Variants in PDE1C observed in about 807,000 individuals in gnomAD.
PDE1C encodes the protein dual specificity calcium/calmodulin-dependent 3',5'-cyclic nucleotide phosphodiesterase 1C.
A neutral mutation model predicts 93.1 loss-of-function variants in PDE1C; 62 were observed. That is an observed-to-expected ratio of 0.67 (90% confidence interval 0.54 to 0.82). PDE1C has a LOEUF of 0.82. Among genes scored for constraint, PDE1C ranks in the 40% least tolerant of loss-of-function variants. The pLI is 0.00. For synonymous variants in PDE1C, 325 were observed against 310.1 expected, an observed-to-expected ratio of 1.05 and a Z score of -0.50; for missense variants, 742 against 884.6, an observed-to-expected ratio of 0.84 and a Z score of 2.04.
the PDE1C span, among the ~76,000 whole-genome samples, chr7:31,733,207 C>T: frequency 6.6e-6 from 1 of 152,170 alleles, no homozygotes; most frequent in African/African-American, 2.4e-5. Flanking sequence ...TACCTCCTTT[C>T]CAATCACCTG....
At chr7:31,844,110 T>C (rs1403978724) in intron 9 of PDE1C, among the ~76,000 whole-genome samples, 1 of 151,842 alleles carries the variant, frequency 6.6e-6, no homozygotes, top group Non-Finnish European at 1.5e-5. Flanking sequence ...AATGGTCAAA[T>C]GCACAATTTA....
intron 1 of PDE1C, among the ~76,000 whole-genome samples, chr7:32,295,926 T>C (rs968616172): frequency 6.6e-6 from 1 of 150,906 alleles, no homozygotes; most frequent in Non-Finnish European, 1.5e-5. Context: ...AATGTACTTA[T>C]GATATACTCA....
intron 17 of PDE1C, among the ~76,000 whole-genome samples, chr7:31,764,995 C>T (rs527654389): frequency 1.7e-4 from 26 of 152,240 alleles, no homozygotes; most frequent in African/African-American, 4.8e-4. Context: ...GATTTTGCTG[C>T]CCATGTTTGC....
At chr7:31,641,518 C>G in the PDE1C span, among the ~76,000 whole-genome samples, 2 of 152,152 alleles carry the variant, frequency 1.3e-5, no homozygotes, top group Non-Finnish European at 2.9e-5. Context: ...TGGTGACACT[C>G]TGGTAGCCAA....
chr7:31,990,822 GA>G (rs1197401001), intron 2 of PDE1C, among the ~76,000 whole-genome samples: 2 of 151,956 alleles, frequency 1.3e-5, no homozygotes, highest in Non-Finnish European at 1.5e-5. Context: ...CAAGATACAG[GA>G]AAAAAATGAA....
At chr7:32,389,174 GTGTGTGT>G (rs1585138283) in intron 1 of PDE1C, among the ~76,000 whole-genome samples, 2 of 138,648 alleles carry the variant, frequency 1.4e-5, no homozygotes, top group East Asian at 4.2e-4. Flanking sequence ...GTGTGTGTGT[GTGTGTGT>G]GTGTGTGTGG....
chr7:32,347,944 T>C (rs1783886640), intron 1 of PDE1C, among the ~76,000 whole-genome samples: 1 of 152,220 alleles, frequency 6.6e-6, no homozygotes, highest in African/African-American at 2.4e-5. Context: ...ACACTATGTT[T>C]GTGATCATTT....
rs919457926 is a variant in PDE1C at position 32,070,194 on chromosome 7, C to T, written c.101+99G>A. On this transcript the variant is annotated intron_variant, in intron 1 of 17. Transcript: ENST00000396191. The stretch of plus-strand genomic sequence containing the variant: ...GAACTTCTAGGGTTGTATTTAAAGG[C>T]CCATGCAGGAACAGGGTGAGCAGTC... The T allele has an allele frequency of 7.6e-6, 12 of 1,571,176 alleles. No individual in the cohort carries two copies. The African/African-American group carries it at 9.5e-5, about 12-fold the overall frequency.
At chr7:32,147,185 A>AG (rs1800892121) in intron 3 of PDE1C, among the ~76,000 whole-genome samples, 1 of 151,798 alleles carries the variant, frequency 6.6e-6, no homozygotes, top group Non-Finnish European at 1.5e-5. Flanking sequence ...AATTGTTTTC[A>AG]GAAAAAAAAA....
chr7:32,153,051 A>G (rs1801358367), intron 3 of PDE1C, among the ~76,000 whole-genome samples: 1 of 152,216 alleles, frequency 6.6e-6, no homozygotes, highest in Non-Finnish European at 1.5e-5. Context: ...AAACTGAGGC[A>G]ATGTCTCAAA....
Position 32,128,902 on chromosome 7 carries a change from AACAAATATAT to A in PDE1C, c.308+40873_308+40882del, listed in dbSNP as rs1316232889. On this transcript the variant is annotated intron_variant, in intron 3 of 18. Coordinates refer to the PDE1C transcript ENST00000396193. The stretch of plus-strand genomic sequence containing the variant: ...ACATGTACCCTAGAACTTAAAGTAT[AACAAATATAT>A]ATATATATATATATATATATATATA... Among the ~76,000 whole-genome samples the A allele has an allele frequency of 3.6e-4, 32 of 89,992 alleles. 1 individual carries two copies. Among genetic ancestry groups the A allele is most frequent in the African/African-American group, 1.3e-3 (29 of 23,132 alleles). The allele number at this position is 89,992 out of a possible 152,430, so 59.0% of individuals were successfully genotyped here.
At chr7:31,974,961 G>C (rs1200539031) in intron 2 of PDE1C, among the ~76,000 whole-genome samples, 1 of 152,142 alleles carries the variant, frequency 6.6e-6, no homozygotes, top group African/African-American at 2.4e-5. Flanking sequence ...TCTGAACAAA[G>C]GCCGAGTTCA....
At chr7:32,396,833 C>T (rs981070240) in intron 1 of PDE1C, among the ~76,000 whole-genome samples, 22 of 152,100 alleles carry the variant, frequency 1.4e-4, no homozygotes, top group Non-Finnish European at 7.4e-5. Context: ...CCAAAGTACA[C>T]ATGGAAATCT....
chr7:31,851,089 C>CACACACAT (rs1793275820), intron 7 of PDE1C, among the ~76,000 whole-genome samples: 1 of 12,446 alleles, frequency 8.0e-5, no homozygotes, highest in Non-Finnish European at 2.6e-4. Flanking sequence ...CACACACACA[C>CACACACAT]ACACACACAC....
chr7:31,829,101 AAAT>A (rs1790061262), intron 11 of PDE1C, among the ~76,000 whole-genome samples: 1 of 152,112 alleles, frequency 6.6e-6, no homozygotes, highest in Non-Finnish European at 1.5e-5. Flanking sequence ...AGGAAAGGAA[AAAT>A]AATATGTCAC....
At chr7:31,806,807 G>A (rs1786890909) in intron 16 of PDE1C, among the ~76,000 whole-genome samples, 1 of 151,668 alleles carries the variant, frequency 6.6e-6, no homozygotes, top group Admixed American at 6.6e-5. Flanking sequence ...CTAGGGGTAG[G>A]GACATTAAAA....
the PDE1C span, among the ~76,000 whole-genome samples, chr7:31,644,725 G>A: frequency 8.5e-5 from 13 of 152,146 alleles, no homozygotes; most frequent in Non-Finnish European, 1.6e-4. Flanking sequence ...TTTAAGGTAA[G>A]AAATGATCTA....
At chr7:32,114,437 G>A (rs764951849) in intron 3 of PDE1C, among the ~76,000 whole-genome samples, 1 of 152,020 alleles carries the variant, frequency 6.6e-6, no homozygotes, top group Non-Finnish European at 1.5e-5. Flanking sequence ...AACTGAAACT[G>A]GACCCCTTCC....
At chr7:32,095,050 T>C (rs1018866965) in intron 3 of PDE1C, among the ~76,000 whole-genome samples, 1 of 152,210 alleles carries the variant, frequency 6.6e-6, no homozygotes, top group Non-Finnish European at 1.5e-5. Context: ...CTTATTTCTA[T>C]AGAAAGTAAT....
Sources: allele counts gnomAD v4.1 joint callset (sites outside exome capture counted in the v4.1 genomes callset), GRCh38; gene constraint gnomAD v4.1.1; transcripts MANE v1.5; gene names NCBI Gene and HGNC (gene_info 2026-07-23, HGNC 2026-07-21).